AFP: variants seen among roughly 807,000 people sequenced by gnomAD.
AFP encodes alpha-fetoprotein.
AFP carries 64 observed loss-of-function variants against 78.9 expected under a neutral mutation model. The ratio of observed to expected loss-of-function variants is 0.81; its 90% CI spans 0.66 to 1.00. The LOEUF is 1.00. Ranked by LOEUF, AFP falls within the 50% of genes least tolerant of loss-of-function variation. The pLI, the probability that AFP is intolerant of heterozygous loss-of-function variation, is 0.00. For missense variants in AFP, 689 were observed against 703.8 expected (o/e 0.98, Z 0.24); for synonymous variants, 254 against 243.8 (o/e 1.04, Z -0.39).
chr4:73,443,285 T>C, intron 5 of AFP, 62 bp from the exon 6 acceptor site: 2 of 1,267,352 alleles, frequency 1.6e-6, no homozygotes, highest in South Asian at 2.4e-5. Context: ...TTCTAAATAT[T>C]AGAGCTTGTA....
intron 5 of AFP, among the ~76,000 whole-genome samples, chr4:73,443,028 T>A (rs1719716602): frequency 6.6e-6 from 1 of 152,162 alleles, no homozygotes; most frequent in African/African-American, 2.4e-5. Context: ...AGAAGACACT[T>A]AAGAAATTAG....
At chr4:73,437,392 T>A (rs1719538626) in intron 2 of AFP, among the ~76,000 whole-genome samples, 181 bp downstream of exon 2, 1 of 152,068 alleles carries the variant, frequency 6.6e-6, no homozygotes, top group African/African-American at 2.4e-5. Context: ...TTGACTAATG[T>A]CTTCGACATT....
chr4:73,450,614 G>T lies in AFP; in HGVS notation c.1290-1G>T, dbSNP rs772377833. 1.2e-6 allele frequency: 2 copies of T among 1,613,988 alleles called. No homozygotes were observed. The highest frequency in any genetic ancestry group is 3.3e-5 in the Admixed American group (2 of 59,986). The stretch of plus-strand genomic sequence containing the variant: ...ACTTAGTTAAAAAATGCTTCTTTCA[G>T]GTTTCTCGTTGCTTACACAAAGAAA... On this transcript the variant is annotated splice_acceptor_variant, in intron 10 of 14. Transcript: ENST00000395792. LOFTEE classifies it high-confidence loss of function.
chr4:73,438,440 C>A (rs1328066514), intron 3 of AFP, 134 bp downstream of exon 3: 15 of 1,028,456 alleles, frequency 1.5e-5, no homozygotes, highest in Non-Finnish European at 2.1e-5. Flanking sequence ...GGATTAGATT[C>A]ATTCTGAATT....
chr4:73,449,968 C>G (rs1273908659), intron 9 of AFP, 68 bp from the exon 10 acceptor site: 1 of 1,005,906 alleles, frequency 9.9e-7, no homozygotes, highest in East Asian at 2.6e-5. Flanking sequence ...TAATATTGAT[C>G]AATTTTATAT....
chr4:73,453,655 G>A (rs1338976037), intron 12 of AFP, 110 bp from the exon 13 acceptor site: 1 of 1,292,648 alleles, frequency 7.7e-7, no homozygotes, highest in Non-Finnish European at 1.1e-6. Flanking sequence ...TCTGGTGATA[G>A]GTTGATGGAG....
At position 73,449,975 on chromosome 4, in the gene AFP, A is replaced by G; in HGVS notation, c.1192-61A>G. ...ATAGTATATAATATTGATCAATTTTATATACAAAGTTATGCATCCAAGAAA... is the reference window on the plus strand; with the variant it reads ...ATAGTATATAATATTGATCAATTTTGTATACAAAGTTATGCATCCAAGAAA... On this transcript the variant is annotated intron_variant, in intron 9 of 14. Transcript: ENST00000395792. 5 of 1,077,266 alleles carry G rather than the reference A, an allele frequency of 4.6e-6. No homozygotes were observed. The South Asian group carries it at 5.6e-5, about 12-fold the overall frequency. The allele number at this position is 1,077,266 out of a possible 1,614,324, so 66.7% of individuals were successfully genotyped here.
intron 14 of AFP, 160 bp downstream of exon 14, chr4:73,455,450 A>G: frequency 1.5e-6 from 1 of 675,248 alleles, no homozygotes; most frequent in Non-Finnish European, 2.6e-6. Context: ...TTACGCACAC[A>G]ATGTTAAATT....
chr4:73,448,368 A>T (rs1303336754), intron 8 of AFP, among the ~76,000 whole-genome samples: 2 of 152,158 alleles, frequency 1.3e-5, no homozygotes, highest in Admixed American at 1.3e-4. Context: ...AGCACTTAGG[A>T]CATTATACTT....
chr4:73,450,221 G>T, intron 10 of AFP, 88 bp downstream of exon 10: 1 of 1,125,164 alleles, frequency 8.9e-7, no homozygotes, highest in Non-Finnish European at 1.3e-6. Flanking sequence ...GAAGCAACAA[G>T]AATGACCTGT....
intron 2 of AFP, among the ~76,000 whole-genome samples, chr4:73,437,520 A>G (rs1364699597): frequency 6.6e-6 from 1 of 152,068 alleles, no homozygotes; most frequent in Non-Finnish European, 1.5e-5. Context: ...CATCAGTACC[A>G]ACAGGGTGAT....
rs374322791 is a variant in AFP, at chr4:73,450,084, C to G, written c.1240C>G (p.Arg414Gly). 6.2e-7 allele frequency: 1 copy of G among 1,613,596 alleles called. No individual in the cohort carries two copies. Among genetic ancestry groups the G allele is most frequent in the African/African-American group, 1.3e-5 (1 of 74,874 alleles). Residue 414 changes from arginine (R) to glycine (G), a missense_variant, in exon 10 of 15, where the codon CGA (arginine) becomes GGA (glycine). By Grantham distance (125) the Arg-to-Gly change is moderately radical. Coordinates refer to ENST00000395792, the MANE Select transcript of AFP (RefSeq NM_001134.3). The part of the protein sequence containing the change: ...YIQESQALAK[R>G]SCGLFQKLGE... ...CCAGGAGAGCCAAGCATTGGCAAAG[C>G]GAAGCTGCGGCCTCTTCCAGAAACT... is the stretch of plus-strand genomic sequence containing the variant.
chr4:73,447,312 C>G, intron 7 of AFP, 150 bp from the exon 8 acceptor site: 4 of 470,220 alleles, frequency 8.5e-6, no homozygotes, highest in Non-Finnish European at 1.1e-5. Flanking sequence ...CTCTATTTCC[C>G]TTTCCCCTTC....
intron 12 of AFP, 50 bp downstream of exon 12, chr4:73,452,674 G>A (rs1720038719): frequency 7.0e-7 from 1 of 1,437,746 alleles, no homozygotes; most frequent in Non-Finnish European, 9.7e-7. Context: ...ACCCCAAAGA[G>A]TAACTGAGAC....
At chr4:73,455,354 G>A (rs1720126641) in intron 14 of AFP, 64 bp downstream of exon 14, 6 of 1,314,534 alleles carry the variant, frequency 4.6e-6, no homozygotes, top group Non-Finnish European at 6.6e-6. Flanking sequence ...AATCCATAAT[G>A]AGATAGATCA....
At chr4:73,455,341 A>G in intron 14 of AFP, 51 bp downstream of exon 14, 2 of 1,393,642 alleles carry the variant, frequency 1.4e-6, no homozygotes, top group Non-Finnish European at 2.0e-6. Context: ...CTCCAGAAAT[A>G]TCAATCCATA....
intron 12 of AFP, 199 bp from the exon 13 acceptor site, chr4:73,453,566 T>A (rs12506899): frequency 3.2e-6 from 2 of 617,364 alleles, no homozygotes; most frequent in Non-Finnish European, 2.8e-6. Context: ...CCTGCACAAC[T>A]CCAGGCTGGT....
At chr4:73,441,065 T>G (rs1217089529) in intron 4 of AFP, among the ~76,000 whole-genome samples, 5 of 152,196 alleles carry the variant, frequency 3.3e-5, no homozygotes, top group African/African-American at 1.2e-4. Flanking sequence ...CCTTGAGAGA[T>G]ATACACCTTT....
At position 73,436,347 on chromosome 4, in the gene AFP, G is replaced by A. The variant is rs202199587; in HGVS notation, c.85G>A (p.Ala29Thr). ...ACTGCATAGAAATGAATATGGAATAGGTGAGATATTTTGTGTTTTTCTTGT... is the reference window on the plus strand; with the variant it reads ...ACTGCATAGAAATGAATATGGAATAAGTGAGATATTTTGTGTTTTTCTTGT... ...RTLHRNEYGI[A>T]SILDSYQCTA... The change falls in exon 1 of 15, where the codon GCT becomes ACT. Residue 29 changes from alanine (A) to threonine (T), a missense_variant and splice_region_variant. Coordinates refer to ENST00000395792, the MANE Select transcript of AFP (RefSeq NM_001134.3). 9.7e-6 allele frequency: 15 copies of A among 1,553,252 alleles called. No individual in the cohort carries two copies. The highest frequency in any genetic ancestry group is 1.1e-5 in the Non-Finnish European group (13 of 1,137,888).
Sources: allele counts gnomAD v4.1 joint callset (sites outside exome capture counted in the v4.1 genomes callset), GRCh38; gene constraint gnomAD v4.1.1; transcripts MANE v1.5; gene names NCBI Gene and HGNC (gene_info 2026-07-23, HGNC 2026-07-21).